The following COL4A4 variants were observed in gnomAD, a reference collection of about 807,000 sequenced individuals.
COL4A4 encodes collagen type IV alpha 4 chain.
COL4A4 carries 105 observed loss-of-function variants against 192.9 expected under a neutral mutation model. The observed-to-expected ratio is 0.54, with a 90% CI of 0.46 to 0.64. COL4A4 has a LOEUF of 0.64. COL4A4 is among the 30% of genes least tolerant of loss of function. The pLI, the probability that COL4A4 is intolerant of heterozygous loss-of-function variation, is 0.00. For missense variants in COL4A4, 1,967 were observed against 2,169.3 expected (o/e 0.91, Z 1.85); for synonymous variants, 762 against 769.9 (o/e 0.99, Z 0.17).
chr2:226,969,810 T>C, the COL4A4 span, among the ~76,000 whole-genome samples: 1 of 152,216 alleles, frequency 6.6e-6, no homozygotes, highest in African/African-American at 2.4e-5. Flanking sequence ...TAGTAGACTC[T>C]CATTCTTCAT....
intron 4 of COL4A4, among the ~76,000 whole-genome samples, chr2:227,131,515 T>G (rs35482297): frequency 0.35 from 53,798 of 152,002 alleles, 9,998 homozygotes; most frequent in Non-Finnish European, 0.41. Flanking sequence ...GTGGTCAAAT[T>G]TCTCTCTAGT....
intron 7 of COL4A4, among the ~76,000 whole-genome samples, chr2:227,116,084 T>C (rs77457963): frequency 6.6e-6 from 1 of 152,044 alleles, no homozygotes; most frequent in Non-Finnish European, 1.5e-5. Context: ...AGCTGAGGAG[T>C]TGGGAGATCA....
chr2:227,153,963 C>T (rs2064143025), intron 1 of COL4A4, among the ~76,000 whole-genome samples: 1 of 152,110 alleles, frequency 6.6e-6, no homozygotes, highest in Non-Finnish European at 1.5e-5. Flanking sequence ...CATGGCCCCA[C>T]CCTTCACAGC....
Position 227,050,827 on chromosome 2 carries a change from G to A in COL4A4, c.3150+150C>T. The A allele has an allele frequency of 5.7e-6, 5 of 883,618 alleles. No homozygotes were observed. The South Asian group carries it at 7.6e-5, about 13-fold the overall frequency. The allele number at this position is 883,618 out of a possible 1,614,324, so 54.7% of individuals were successfully genotyped here. ...TCAGTTTCATCGTGGCCTTCTAGAA[G>A]GCTCTATTTTCTCCTTGAGCTACAC... On this transcript the variant is annotated intron_variant, in intron 33 of 47. Transcript: ENST00000396625.
At chr2:226,996,868 G>A in the COL4A4 span, 1 of 152,146 alleles carries the variant, frequency 6.6e-6, no homozygotes, top group African/African-American at 2.4e-5. Flanking sequence ...AATACTATGT[G>A]TCCATTGAGA....
At chr2:227,115,037 C>G (rs1179596613) in intron 7 of COL4A4, among the ~76,000 whole-genome samples, 1 of 151,538 alleles carries the variant, frequency 6.6e-6, no homozygotes, top group African/African-American at 2.4e-5. Context: ...GCCCTAGAAA[C>G]AGTAAAACGT....
In COL4A4 at chr2:227,010,404, C is replaced by T. The variant is rs2149744390; in HGVS notation, c.4431G>A (p.Glu1477=). ...LLVLHSQTDQ[E]PTCPLGMPRL... ...TGGGCATGCCCAGGGGGCAGGTGGG[C>T]TCCTGGTCCGTCTGACTGTGGAGAA... Residue 1477 remains glutamate (E), a synonymous_variant, in exon 46 of 48, where the codon GAG becomes GAA. Transcript: ENST00000396625. 3.7e-6 allele frequency: 6 copies of T among 1,614,232 alleles called. No homozygotes were observed. The highest frequency in any genetic ancestry group is 3.4e-6 in the Non-Finnish European group (4 of 1,180,026).
chr2:227,114,923 T>C (rs1300237255), intron 7 of COL4A4, among the ~76,000 whole-genome samples: 1 of 152,194 alleles, frequency 6.6e-6, no homozygotes, highest in African/African-American at 2.4e-5. Flanking sequence ...AGACAGAATA[T>C]CTACTCATAT....
intron 9 of COL4A4, 54 bp from the exon 10 acceptor site, chr2:227,109,340 A>T: frequency 9.1e-6 from 13 of 1,423,828 alleles, no homozygotes; most frequent in Non-Finnish European, 9.9e-6. Flanking sequence ...ATCATCTTTC[A>T]CAGAAAGAGT....
At chr2:226,995,623 G>A in the COL4A4 span, 1 of 815,310 alleles carries the variant, frequency 1.2e-6, no homozygotes, top group Non-Finnish European at 2.1e-6. Context: ...AACAAAAGCA[G>A]AGTACACCGG....
chr2:227,065,168 C>T (rs2058230109), intron 25 of COL4A4, among the ~76,000 whole-genome samples: 1 of 152,222 alleles, frequency 6.6e-6, no homozygotes, highest in Admixed American at 6.5e-5. Flanking sequence ...CCGAATACTG[C>T]GCTTTTCCGA....
chr2:227,079,002 C>T lies in COL4A4; in HGVS notation c.1804-925G>A, dbSNP rs114471409. ...TCAAGGATTCCCTCACTGGCAATCC[C>T]TGGTGGGGTTCTCAAAAGCTGTGCA... On this transcript the variant is annotated intron_variant, in intron 24 of 47. Transcript: ENST00000396625. Among the ~76,000 whole-genome samples, 542 of 152,336 alleles carry T rather than the reference C, an allele frequency of 3.6e-3. 3 individuals carry two copies. The highest frequency in any genetic ancestry group is 0.013 in the African/African-American group (522 of 41,588).
At chr2:227,158,095 G>A (rs1332042081) in intron 1 of COL4A4, among the ~76,000 whole-genome samples, 2 of 152,084 alleles carry the variant, frequency 1.3e-5, no homozygotes, top group East Asian at 3.8e-4. Context: ...AAAGTTGAAG[G>A]ACTTACACTA....
At chr2:227,121,192 T>C (rs753863229) in intron 4 of COL4A4, 44 bp from the exon 5 acceptor site, 8 of 1,602,512 alleles carry the variant, frequency 5.0e-6, no homozygotes. Flanking sequence ...AATTCTTAAT[T>C]ACTGTCTTCT....
At chr2:227,095,570 G>C (rs1477132030) in intron 19 of COL4A4, among the ~76,000 whole-genome samples, 1 of 152,152 alleles carries the variant, frequency 6.6e-6, no homozygotes, top group Non-Finnish European at 1.5e-5. Context: ...TTGACATCCT[G>C]CTCCCCTTGC....
At chr2:227,032,655 G>A (rs1371393533) in intron 38 of COL4A4, among the ~76,000 whole-genome samples, 1 of 152,212 alleles carries the variant, frequency 6.6e-6, no homozygotes, top group Non-Finnish European at 1.5e-5. Flanking sequence ...TTCACACTGG[G>A]AAGGAAGGAC....
chr2:227,018,216 C>T (rs1340190527), intron 44 of COL4A4, among the ~76,000 whole-genome samples: 2 of 152,278 alleles, frequency 1.3e-5, no homozygotes, highest in Admixed American at 6.5e-5. Flanking sequence ...GTACCCTTGA[C>T]TTGCAACTCT....
chr2:227,105,905 A>C (rs2060810469), intron 12 of COL4A4, among the ~76,000 whole-genome samples: 1 of 152,194 alleles, frequency 6.6e-6, no homozygotes, highest in East Asian at 1.9e-4. Flanking sequence ...ACCTACCTCA[A>C]ACTATTCTTC....
At chr2:227,013,229 T>G (rs2149774725) in intron 44 of COL4A4, among the ~76,000 whole-genome samples, 1 of 152,178 alleles carries the variant, frequency 6.6e-6, no homozygotes, top group East Asian at 1.9e-4. Flanking sequence ...ATTACTAGCC[T>G]TCTCCAGGTT....
Sources: gnomAD v4.1 joint callset for allele counts (sites outside exome capture counted in the v4.1 genomes callset) on GRCh38, gnomAD v4.1.1 for gene constraint, MANE v1.5 for transcripts, NCBI Gene and HGNC (gene_info 2026-07-23, HGNC 2026-07-21) for gene names.